Variants in BANK1 observed in about 807,000 individuals in gnomAD.
BANK1 encodes B cell scaffold protein with ankyrin repeats 1.
Under a neutral mutation model 94.5 loss-of-function variants are expected in BANK1, and 95 were observed. The observed-to-expected ratio is 1.00, with a 90% CI of 0.85 to 1.19. The LOEUF (loss-of-function observed/expected upper bound fraction) is 1.19, where lower values mean the gene tolerates loss of function less well. Ranked by LOEUF, BANK1 falls within the 50% of genes most tolerant of loss-of-function variation. BANK1 has a pLI of 0.00. For synonymous variants in BANK1, 334 were observed against 308.4 expected (o/e 1.08, Z -0.87); for missense variants, 987 against 932.2 (o/e 1.06, Z -0.77).
At chr4:101,879,966 A>G (rs1356684705) in intron 5 of BANK1, among the ~76,000 whole-genome samples, 1 of 152,096 alleles carries the variant, frequency 6.6e-6, no homozygotes, top group Non-Finnish European at 1.5e-5. Flanking sequence ...ATGTATGACA[A>G]ACCTACAGCT....
At chr4:101,797,084 G>A (rs537570669) in intron 1 of BANK1, among the ~76,000 whole-genome samples, 1 of 152,194 alleles carries the variant, frequency 6.6e-6, no homozygotes, top group East Asian at 1.9e-4. Context: ...TTTCTGCAAT[G>A]GAGTAGAAAG....
intron 7 of BANK1, among the ~76,000 whole-genome samples, chr4:101,958,977 G>A (rs546655550): frequency 5.5e-4 from 84 of 152,198 alleles, no homozygotes; most frequent in South Asian, 2.1e-4. Context: ...AAAAACTTGC[G>A]GATGGTCCTG....
At chr4:101,897,175 A>C (rs940841727) in intron 6 of BANK1, among the ~76,000 whole-genome samples, 1 of 151,986 alleles carries the variant, frequency 6.6e-6, no homozygotes. Context: ...ACCTTCATTC[A>C]AGCTAGGGAA....
intron 7 of BANK1, among the ~76,000 whole-genome samples, chr4:101,944,024 G>T (rs896772644): frequency 4.3e-5 from 3 of 70,006 alleles, no homozygotes; most frequent in African/African-American, 1.1e-4. Flanking sequence ...GTGTGTGTTT[G>T]TGTGTGTGTG....
chr4:101,813,279 T>C (rs1219092165), intron 1 of BANK1, among the ~76,000 whole-genome samples: 3 of 152,206 alleles, frequency 2.0e-5, no homozygotes, highest in African/African-American at 7.2e-5. Flanking sequence ...GTGAATTTAA[T>C]AAGTCACATG....
intron 8 of BANK1, among the ~76,000 whole-genome samples, chr4:102,023,787 T>C (rs755046700): frequency 2.0e-5 from 3 of 152,192 alleles, no homozygotes; most frequent in Non-Finnish European, 2.9e-5. Context: ...TAATTTCCTA[T>C]AGCGTGAATG....
At chr4:101,976,748 C>A (rs1437549383) in intron 7 of BANK1, 3 of 152,012 alleles carry the variant, frequency 2.0e-5, no homozygotes, top group Non-Finnish European at 4.4e-5. Context: ...AAATCTTATT[C>A]TTTAGAACAA....
chr4:101,935,576 A>G (rs1280907859), intron 7 of BANK1, among the ~76,000 whole-genome samples: 2 of 151,578 alleles, frequency 1.3e-5, no homozygotes, highest in African/African-American at 2.4e-5. Context: ...CAACACATTT[A>G]TTATTTAATT....
intron 12 of BANK1, chr4:102,061,727 A>G (rs764933477): frequency 1.4e-5 from 2 of 146,030 alleles, no homozygotes; most frequent in Non-Finnish European, 3.0e-5. Context: ...GGTTGTTTCT[A>G]TTTTGTTTGT....
rs532720285 is a variant in BANK1 at position 102,072,405 on chromosome 4, G to A, written c.2298+5G>A. 2.1e-4 allele frequency: 326 copies of A among 1,577,770 alleles called. 3 individuals carry two copies. In the South Asian group the frequency reaches 3.5e-3, roughly 17 times the overall value. On this transcript the variant is annotated splice_donor_5th_base_variant and intron_variant, in intron 15 of 16. Transcript: ENST00000322953. ...AATGTACACTTCAGCAATAAGGTAG[G>A]TTGTATTTATTTTGATTTCTATAAA...
intron 7 of BANK1, among the ~76,000 whole-genome samples, chr4:101,923,168 T>A (rs1723053788): frequency 6.6e-6 from 1 of 151,808 alleles, no homozygotes; most frequent in Non-Finnish European, 1.5e-5. Context: ...AAATATTGCA[T>A]TCACCTTATT....
At chr4:102,043,709 A>C in intron 10 of BANK1, 130 bp from the exon 11 acceptor site, 1 of 537,444 alleles carries the variant, frequency 1.9e-6, no homozygotes, top group Admixed American at 2.9e-5. Flanking sequence ...TTCCTACTCA[A>C]AAGTAATACA....
At position 101,865,413 on chromosome 4, in the gene BANK1, C is replaced by T. The variant is rs149528238; in HGVS notation, c.763+2749C>T. ...TTTTGTAGGATTTACCTCCATGAAT[C>T]CCACCAGGTTTTTACAATGAAGATC... On this transcript the variant is annotated intron_variant, in intron 4 of 16. Coordinates refer to ENST00000322953, the MANE Select transcript of BANK1 (RefSeq NM_017935.5). Among the ~76,000 whole-genome samples the T allele has an allele frequency of 4.1e-3, 621 of 152,204 alleles. 4 individuals are homozygous for T. The highest frequency in any genetic ancestry group is 0.014 in the African/African-American group (563 of 41,524).
At chr4:101,965,423 C>A (rs1055187631) in intron 7 of BANK1, among the ~76,000 whole-genome samples, 1 of 151,458 alleles carries the variant, frequency 6.6e-6, no homozygotes, top group African/African-American at 2.4e-5. Flanking sequence ...GTGTTATAAA[C>A]CCTGGATAAT....
chr4:101,947,101 T>C (rs1723955425), intron 7 of BANK1, among the ~76,000 whole-genome samples: 1 of 151,618 alleles, frequency 6.6e-6, no homozygotes, highest in South Asian at 2.1e-4. Flanking sequence ...GGACTAAGCA[T>C]TTCTGCAATG....
At position 101,870,502 on chromosome 4, in the gene BANK1, A is replaced by C; in HGVS notation, c.764-3A>C. 1 of 1,609,408 alleles carries C rather than the reference A, an allele frequency of 6.2e-7. No homozygotes were observed. The highest frequency in any genetic ancestry group is 1.1e-5 in the South Asian group (1 of 90,404). ...CCCCTAACCCTTGTTTGTTTTTCAT[A>C]AGAGTTTCCTGCTGGTTCAGTCCAT... On this transcript the variant is annotated splice_region_variant and splice_polypyrimidine_tract_variant and intron_variant, in intron 4 of 16. Transcript: ENST00000322953.
intron 7 of BANK1, among the ~76,000 whole-genome samples, chr4:101,997,018 G>A (rs1725901825): frequency 6.6e-6 from 1 of 152,166 alleles, no homozygotes; most frequent in South Asian, 2.1e-4. Flanking sequence ...TGTTTTCAAA[G>A]GGAATGCTTC....
chr4:101,925,504 G>A (rs945750427), intron 7 of BANK1, among the ~76,000 whole-genome samples: 1 of 151,624 alleles, frequency 6.6e-6, no homozygotes. Context: ...AAGTAATAGA[G>A]GGAAATAATA....
At chr4:101,819,756 C>G (rs1002449032) in intron 1 of BANK1, among the ~76,000 whole-genome samples, 19 of 152,190 alleles carry the variant, frequency 1.2e-4, no homozygotes, top group Non-Finnish European at 2.4e-4. Flanking sequence ...ACAGACATCA[C>G]AGCACTTTTC....
Sources: gnomAD v4.1 joint callset for allele counts (sites outside exome capture counted in the v4.1 genomes callset) on GRCh38, gnomAD v4.1.1 for gene constraint, MANE v1.5 for transcripts, NCBI Gene and HGNC (gene_info 2026-07-23, HGNC 2026-07-21) for gene names.